LAMB1: variants seen among roughly 807,000 people sequenced by gnomAD.
LAMB1 encodes laminin subunit beta 1.
LAMB1 carries 121 observed loss-of-function variants against 222.3 expected under a neutral mutation model. The ratio of observed to expected loss-of-function variants is 0.54; its 90% confidence interval spans 0.47 to 0.63. The LOEUF (loss-of-function observed/expected upper bound fraction) is 0.63. Among genes scored for constraint, LAMB1 ranks in the 30% least tolerant of loss-of-function variants. LAMB1 has a pLI of 0.00. For missense variants in LAMB1, 2,172 were observed against 2,240.8 expected (o/e 0.97, Z 0.62); for synonymous variants, 794 against 807.2 (o/e 0.98, Z 0.28).
chr7:107,961,316 G>A lies in LAMB1; in HGVS notation c.1999C>T (p.Pro667Ser). The change falls in exon 17 of 34, where the codon CCT becomes TCT. Residue 667 changes from proline (P) to serine (S), a missense_variant. Transcript: ENST00000222399. ...LSPGSRYVVL[P>S]RPVCFEKGTN... ...CCCTTCTCAAAGCACACCGGCCGAG[G>A]AAGGACGACATATCTGCCCCCAAAC... is the stretch of plus-strand genomic sequence containing the variant. 1 of 1,614,040 alleles carries A rather than the reference G, an allele frequency of 6.2e-7. No homozygotes were observed.
Position 107,951,264 on chromosome 7 carries a change from T to C in LAMB1, c.3353A>G (p.Gln1118Arg). Residue 1118 changes from glutamine to arginine, a missense_variant, in exon 24 of 34, where the codon CAG becomes CGG. Gln to Arg is a conservative substitution (Grantham distance 43). Coordinates refer to ENST00000222399, the MANE Select transcript of LAMB1 (RefSeq NM_002291.3). Reference protein sequence around the residue: ...GFGGRTCSECQELFWGDPDVE... With the variant: ...GFGGRTCSECRELFWGDPDVE... ...GTCGGGGTCTCCCCAGAAGAGTTCC[T>C]GGCACTCGCTGCAGGTGCGGCCTCC... 3.1e-6 allele frequency: 5 copies of C among 1,614,216 alleles called. No individual in the cohort carries two copies. Among genetic ancestry groups the C allele is most frequent in the Non-Finnish European group, 4.2e-6 (5 of 1,180,026 alleles).
At chr7:107,933,749 C>G (rs754446413) in intron 27 of LAMB1, among the ~76,000 whole-genome samples, 15 of 152,126 alleles carry the variant, frequency 9.9e-5, no homozygotes, top group Non-Finnish European at 1.6e-4. Context: ...GGATCATTAA[C>G]AAAGACAAAA....
intron 24 of LAMB1, among the ~76,000 whole-genome samples, chr7:107,946,825 C>T (rs2033126579): frequency 1.3e-5 from 2 of 152,306 alleles, no homozygotes; most frequent in South Asian, 4.1e-4. Flanking sequence ...CAAAAGAACA[C>T]ACTGTGTTTT....
Position 107,977,971 on chromosome 7 carries a change from T to C in LAMB1, c.1000+76A>G. On this transcript the variant is annotated intron_variant, in intron 9 of 33. Coordinates refer to ENST00000222399, the MANE Select transcript of LAMB1 (RefSeq NM_002291.3). Reference sequence around the variant, plus strand: ...TTCTACCCTCTGCAAAACAGTACACTGTTACAGTACCTCTAATTAGGAAAT... The same window carrying C: ...TTCTACCCTCTGCAAAACAGTACACCGTTACAGTACCTCTAATTAGGAAAT... 3 of 1,550,606 alleles carry C rather than the reference T, an allele frequency of 1.9e-6. No homozygotes were observed. The East Asian group carries it at 6.7e-5, about 35-fold the overall frequency.
intron 24 of LAMB1, among the ~76,000 whole-genome samples, chr7:107,943,060 G>A (rs747161336): frequency 6.6e-6 from 1 of 152,122 alleles, no homozygotes. Flanking sequence ...TTTCTTGTTT[G>A]GGGAATATTC....
chr7:107,960,688 G>T lies in LAMB1; in HGVS notation c.2110-39C>A, dbSNP rs140413263. 2.6e-5 allele frequency: 40 copies of T among 1,565,028 alleles called. No homozygotes were observed. The African/African-American group carries it at 5.4e-4, about 21-fold the overall frequency. On this transcript the variant is annotated intron_variant, in intron 17 of 33. Coordinates refer to ENST00000222399, the MANE Select transcript of LAMB1 (RefSeq NM_002291.3). The stretch of plus-strand genomic sequence containing the variant: ...AGAACGGCCAAACATCCTTACAGTG[G>T]TGCCCCATGGCATGGGTTTAAGCAA...
chr7:107,954,659 C>T (rs2033337495), intron 21 of LAMB1, among the ~76,000 whole-genome samples: 1 of 152,108 alleles, frequency 6.6e-6, no homozygotes, highest in Non-Finnish European at 1.5e-5. Flanking sequence ...GGCATGGTGG[C>T]AGGTGCCTGT....
intron 22 of LAMB1, among the ~76,000 whole-genome samples, chr7:107,952,762 G>A (rs1001661221): frequency 6.6e-6 from 1 of 152,112 alleles, no homozygotes; most frequent in Non-Finnish European, 1.5e-5. Context: ...AGTTGATCTC[G>A]GTAAGAGAGA....
At chr7:107,940,885 C>T (rs2032964866) in intron 24 of LAMB1, among the ~76,000 whole-genome samples, 1 of 152,234 alleles carries the variant, frequency 6.6e-6, no homozygotes, top group Non-Finnish European at 1.5e-5. Context: ...TCGGATACAT[C>T]ACAAATGAGA....
In LAMB1 at chr7:107,953,518, T is replaced by C. The variant is rs1245015385; in HGVS notation, c.3079+12A>G. 6.3e-7 allele frequency: 1 copy of C among 1,577,276 alleles called. No homozygotes were observed. The highest frequency in any genetic ancestry group is 2.2e-5 in the East Asian group (1 of 44,682). On this transcript the variant is annotated intron_variant, in intron 22 of 33. Coordinates refer to ENST00000222399, the MANE Select transcript of LAMB1 (RefSeq NM_002291.3). Reference sequence around the variant, plus strand: ...CATTCTAAGAAGTGGGCAGAATAAATGTGCATCTTACTTCGACAGTCCTGC... The same window carrying C: ...CATTCTAAGAAGTGGGCAGAATAAACGTGCATCTTACTTCGACAGTCCTGC...
chr7:107,939,865 C>G (rs1157361224), intron 25 of LAMB1, 124 bp downstream of exon 25: 2 of 1,109,808 alleles, frequency 1.8e-6, no homozygotes, highest in African/African-American at 3.1e-5. Context: ...GGCTCAGAAT[C>G]TGTTCTCACC....
At position 107,951,211 on chromosome 7, in the gene LAMB1, A is replaced by C. The variant is rs1166008731; in HGVS notation, c.3391+15T>G. 1 of 1,605,294 alleles carries C rather than the reference A, an allele frequency of 6.2e-7. No individual in the cohort carries two copies. The highest frequency in any genetic ancestry group is 8.5e-7 in the Non-Finnish European group (1 of 1,172,168). On this transcript the variant is annotated intron_variant, in intron 24 of 33. Transcript: ENST00000222399. ...ACTCTCTGATCAAGTCAATGCGAGA[A>C]CGCCCACAACTCACCTCGGCACTCC...
intron 12 of LAMB1, among the ~76,000 whole-genome samples, chr7:107,973,944 C>A (rs2033802045): frequency 6.6e-6 from 1 of 152,090 alleles, no homozygotes; most frequent in Non-Finnish European, 1.5e-5. Flanking sequence ...TTGTGCCCAG[C>A]CTATTTTATT....
intron 5 of LAMB1, among the ~76,000 whole-genome samples, chr7:107,992,711 C>T (rs1401334821): frequency 6.6e-6 from 1 of 152,108 alleles, no homozygotes; most frequent in Non-Finnish European, 1.5e-5. Context: ...GCCTGGCCAA[C>T]ATGGTGAAAC....
At chr7:108,002,358 C>A (rs993691633) in intron 2 of LAMB1, 29 of 1,315,844 alleles carry the variant, frequency 2.2e-5, no homozygotes, top group Non-Finnish European at 2.8e-5. Context: ...CTTCTCCATT[C>A]CAGGGAAGCG....
chr7:107,980,497 C>T, intron 8 of LAMB1, 112 bp downstream of exon 8: 1 of 836,824 alleles, frequency 1.2e-6, no homozygotes. Flanking sequence ...AAATGTAACT[C>T]TGTAAAACTA....
intron 26 of LAMB1, 138 bp from the exon 27 acceptor site, chr7:107,935,794 A>G: frequency 1.0e-6 from 1 of 981,274 alleles, no homozygotes; most frequent in South Asian, 1.7e-5. Flanking sequence ...TTTATGAAGT[A>G]CAGTTTTCAT....
At chr7:107,933,854 G>A (rs2032770616) in intron 27 of LAMB1, among the ~76,000 whole-genome samples, 2 of 152,154 alleles carry the variant, frequency 1.3e-5, no homozygotes, top group Admixed American at 1.3e-4. Context: ...AAAGGCCAGA[G>A]GAACCCCGAA....
At chr7:107,954,619 A>G (rs1331911376) in intron 21 of LAMB1, among the ~76,000 whole-genome samples, 5 of 152,140 alleles carry the variant, frequency 3.3e-5, no homozygotes, top group Non-Finnish European at 1.5e-5. Flanking sequence ...CCAAAAATAC[A>G]AAAACAAAAT....
Sources: allele counts gnomAD v4.1 joint callset (sites outside exome capture counted in the v4.1 genomes callset), GRCh38; gene constraint gnomAD v4.1.1; transcripts MANE v1.5; gene names NCBI Gene and HGNC (gene_info 2026-07-23, HGNC 2026-07-21).